SAMD5: variants seen among roughly 807,000 people sequenced by gnomAD.
SAMD5 encodes sterile alpha motif domain-containing protein 5.
SAMD5 carries 13 observed loss-of-function variants against 11.3 expected under a neutral mutation model. The ratio of observed to expected loss-of-function variants is 1.15; its 90% CI spans 0.75 to 1.83. The LOEUF (loss-of-function observed/expected upper bound fraction) is 1.83. Among genes scored for constraint, SAMD5 ranks in the 40% most tolerant of loss-of-function variants. The pLI is 0.00. For synonymous variants in SAMD5, 129 were observed against 111.3 expected (o/e 1.16, Z -1.00); for missense variants, 255 against 239.1 (o/e 1.07, Z -0.44).
chr6:147,850,878 C>A, the SAMD5 span, among the ~76,000 whole-genome samples: 1 of 151,820 alleles, frequency 6.6e-6, no homozygotes, highest in Non-Finnish European at 1.5e-5. Flanking sequence ...TGTGTTCAAA[C>A]CACCCTTCTT....
intron 1 of SAMD5, among the ~76,000 whole-genome samples, chr6:147,546,990 T>C (rs1463761245): frequency 1.3e-5 from 2 of 152,210 alleles, no homozygotes; most frequent in Non-Finnish European, 2.9e-5. Context: ...ACCATACAGC[T>C]GGGCAGCGTT....
the SAMD5 span, among the ~76,000 whole-genome samples, chr6:147,794,922 G>A: frequency 6.6e-6 from 1 of 151,898 alleles, no homozygotes; most frequent in Non-Finnish European, 1.5e-5. Flanking sequence ...CCTTTCTGGT[G>A]AGTGAAGACC....
chr6:147,661,788 C>G (rs1047255441), intron 1 of SAMD5, among the ~76,000 whole-genome samples: 7 of 152,124 alleles, frequency 4.6e-5, no homozygotes, highest in Non-Finnish European at 1.0e-4. Context: ...TGCCACCATG[C>G]CCGGCTAATT....
chr6:147,825,407 G>T, the SAMD5 span, among the ~76,000 whole-genome samples: 618 of 152,248 alleles, frequency 4.1e-3, 3 homozygotes, highest in African/African-American at 0.014. Flanking sequence ...TATAATGAAT[G>T]ATTATTATTT....
At chr6:147,875,547 G>A in the SAMD5 span, among the ~76,000 whole-genome samples, 1 of 152,080 alleles carries the variant, frequency 6.6e-6, no homozygotes. Flanking sequence ...CCTAGAACAG[G>A]GGTCCCCAGC....
At chr6:147,729,836 G>C (rs1252196652) in intron 1 of SAMD5, 12 of 456,730 alleles carry the variant, frequency 2.6e-5, no homozygotes, top group Non-Finnish European at 5.3e-5. Flanking sequence ...TGTAATCCCA[G>C]CACTTTGGGA....
intron 1 of SAMD5, among the ~76,000 whole-genome samples, chr6:147,543,921 G>A (rs1029923046): frequency 6.6e-6 from 1 of 152,116 alleles, no homozygotes; most frequent in African/African-American, 2.4e-5. Context: ...GTTTAAGGGA[G>A]AGCAAGCTCC....
At chr6:147,744,924 A>AATAAATAAATAAATAG in the SAMD5 span, among the ~76,000 whole-genome samples, 1 of 151,530 alleles carries the variant, frequency 6.6e-6, no homozygotes. Flanking sequence ...TAAATAAATA[A>AATAAATAAATAAATAG]GTAAGTAAAA....
chr6:147,604,939 C>G (rs1190811931), intron 1 of SAMD5, among the ~76,000 whole-genome samples: 1 of 152,140 alleles, frequency 6.6e-6, no homozygotes, highest in African/African-American at 2.4e-5. Flanking sequence ...GGAAGAATTT[C>G]TAAAGCTCTT....
At chr6:147,916,554 T>A in the SAMD5 span, among the ~76,000 whole-genome samples, 1 of 152,128 alleles carries the variant, frequency 6.6e-6, no homozygotes, top group Non-Finnish European at 1.5e-5. Flanking sequence ...ATGTCTTTTT[T>A]AAAATTTTAT....
chr6:147,915,419 C>T, the SAMD5 span, among the ~76,000 whole-genome samples: 1 of 152,146 alleles, frequency 6.6e-6, no homozygotes, highest in Non-Finnish European at 1.5e-5. Flanking sequence ...ATATTTAAAA[C>T]ATTTTTTTAA....
the SAMD5 span, among the ~76,000 whole-genome samples, chr6:147,891,536 C>A: frequency 6.6e-6 from 1 of 151,612 alleles, no homozygotes; most frequent in Non-Finnish European, 1.5e-5. Flanking sequence ...GGATTTGGGG[C>A]CCTATGATGA....
At chr6:147,580,084 A>G (rs1442143551) in intron 1 of SAMD5, among the ~76,000 whole-genome samples, 1 of 152,192 alleles carries the variant, frequency 6.6e-6, no homozygotes, top group African/African-American at 2.4e-5. Context: ...ACTCATAACA[A>G]TGCACACCAT....
chr6:147,827,833 A>G, the SAMD5 span, among the ~76,000 whole-genome samples: 1 of 151,502 alleles, frequency 6.6e-6, no homozygotes, highest in East Asian at 1.9e-4. Flanking sequence ...TCTGTGGCCC[A>G]GGCTGGAGTG....
the SAMD5 span, among the ~76,000 whole-genome samples, chr6:147,843,792 T>A: frequency 1.2e-4 from 19 of 152,296 alleles, no homozygotes; most frequent in African/African-American, 4.1e-4. Flanking sequence ...GAAATTCACA[T>A]GCAGAAGAAT....
chr6:147,949,984 T>C, the SAMD5 span, among the ~76,000 whole-genome samples: 104 of 152,342 alleles, frequency 6.8e-4, 2 homozygotes, highest in South Asian at 7.9e-3. Context: ...AGAAATATGA[T>C]GTATCCTGAA....
Position 147,568,757 on chromosome 6 carries a change from T to G in SAMD5, c.*4301T>G. ...CCCTCAGTTGTCATCAATTACATAT[T>G]CCTACATCAGATATTTTACACTATC... is the stretch of plus-strand genomic sequence containing the variant. On this transcript the variant is annotated 3_prime_UTR_variant, in exon 2 of 2. Transcript: ENST00000367474. The G allele has an allele frequency of 6.2e-6, 6 of 975,066 alleles. No homozygotes were observed. Among genetic ancestry groups the G allele is most frequent in the Non-Finnish European group, 6.1e-6 (5 of 820,536 alleles). The allele number at this position is 975,066 out of a possible 1,614,324, so 60.4% of individuals were successfully genotyped here. A position where few individuals can be genotyped will look rare whatever the true frequency, so the allele number is the denominator to read the frequency against.
the SAMD5 span, among the ~76,000 whole-genome samples, chr6:147,787,802 A>G: frequency 8.2e-4 from 125 of 152,340 alleles, no homozygotes; most frequent in Middle Eastern, 3.4e-3. Context: ...ACTGGATTGC[A>G]AAGTGTCATT....
At chr6:147,864,033 G>A in the SAMD5 span, among the ~76,000 whole-genome samples, 40 of 151,566 alleles carry the variant, frequency 2.6e-4, no homozygotes, top group Admixed American at 7.2e-4. Flanking sequence ...TAGTAGAGAC[G>A]GGGTTTCACC....
Sources: allele counts gnomAD v4.1 joint callset (sites outside exome capture counted in the v4.1 genomes callset), GRCh38; gene constraint gnomAD v4.1.1; transcripts MANE v1.5; gene names NCBI Gene and HGNC (gene_info 2026-07-23, HGNC 2026-07-21).